Variants in RET observed in about 807,000 individuals in gnomAD.
RET encodes proto-oncogene tyrosine-protein kinase receptor Ret.
In RET, 19 loss-of-function variants were observed where a neutral mutation model predicts 118.3. The ratio of observed to expected loss-of-function variants is 0.16; its 90% CI spans 0.11 to 0.24. The LOEUF (loss-of-function observed/expected upper bound fraction) is 0.24, where lower values mean the gene tolerates loss of function less well. Ranked by LOEUF, RET falls within the 10% of genes least tolerant of loss-of-function variation. RET has a pLI of 1.00. For synonymous variants in RET, 597 were observed against 644.1 expected (o/e 0.93, Z 1.11); for missense variants, 1,219 against 1,502.1 (o/e 0.81, Z 3.12).
Position 43,129,197 on chromosome 10 carries a change from A to C in RET, c.*928A>C, listed in dbSNP as rs1301658759. ...CCCACAGCCAAGTAGAGGCGAAAGCAGTGGCTCATCCTACCTGTTAGGAGC... is the reference window on the plus strand; with the variant it reads ...CCCACAGCCAAGTAGAGGCGAAAGCCGTGGCTCATCCTACCTGTTAGGAGC... On this transcript the variant is annotated 3_prime_UTR_variant, in exon 20 of 20. Coordinates refer to ENST00000355710, the MANE Select transcript of RET (RefSeq NM_020975.6). The C allele has an allele frequency of 4.3e-6, 1 of 233,418 alleles. No individual in the cohort carries two copies. 14.5% of individuals were successfully genotyped at this position (233,418 alleles called of 1,614,324 possible).
chr10:43,091,568 T>A (rs1373157481), intron 1 of RET, among the ~76,000 whole-genome samples: 1 of 150,650 alleles, frequency 6.6e-6, no homozygotes, highest in Non-Finnish European at 1.5e-5. Context: ...GAGACAGAGG[T>A]TGCAGTTAGC....
intron 18 of RET, 94 bp from the exon 19 acceptor site, chr10:43,126,481 C>A (rs1838330745): frequency 8.8e-7 from 1 of 1,138,382 alleles, no homozygotes; most frequent in Non-Finnish European, 1.3e-6. Flanking sequence ...GGAGACACAG[C>A]CAGAGCCTCT....
chr10:43,077,418 C>A, intron 1 of RET, 87 bp downstream of exon 1: 1 of 1,431,194 alleles, frequency 7.0e-7, no homozygotes, highest in Non-Finnish European at 9.2e-7. Context: ...AAGCGCCTTT[C>A]TGTTTGCCGT....
In RET at chr10:43,123,704, G is replaced by A; in HGVS notation, c.2835G>A (p.Val945=). The change falls in exon 17 of 20, where the codon GTG becomes GTA. Residue 945 remains valine (V), a synonymous_variant. Transcript: ENST00000355710. Reference sequence around the variant, plus strand: ...TTGGTGTCCTGCTGTGGGAGATCGTGACCCTAGGGGGAAACCCCTATCCTG... The same window carrying A: ...TTGGTGTCCTGCTGTGGGAGATCGTAACCCTAGGGGGAAACCCCTATCCTG... ...WSFGVLLWEI[V]TLGGNPYPGI... is the part of the protein sequence containing the mutation. 6.2e-7 allele frequency: 1 copy of A among 1,614,160 alleles called. No homozygotes were observed.
At chr10:43,123,590 G>T (rs1838264749) in intron 16 of RET, 81 bp from the exon 17 acceptor site, 2 of 1,583,786 alleles carry the variant, frequency 1.3e-6, no homozygotes, top group Non-Finnish European at 1.7e-6. Flanking sequence ...GTGCTTGGTG[G>T]TGGGGGTGGA....
At position 43,102,292 on chromosome 10, in the gene RET, T is replaced by C. The variant is rs777587785; in HGVS notation, c.338-50T>C. The C allele has an allele frequency of 8.1e-6, 13 of 1,608,706 alleles. No individual in the cohort carries two copies. The East Asian group carries it at 2.5e-4, about 30-fold the overall frequency. ...CTCCTGCCTCCTCCCCATTCCCGAC[T>C]GCCTGGCAGATGTGGCCGATGCCCC... On this transcript the variant is annotated intron_variant, in intron 2 of 19. Transcript: ENST00000355710.
intron 18 of RET, 64 bp from the exon 19 acceptor site, chr10:43,126,511 G>A: frequency 7.1e-7 from 1 of 1,414,774 alleles, no homozygotes; most frequent in Non-Finnish European, 1.0e-6. Context: ...ATGGCTTGTT[G>A]TATACTGAGT....
rs1481206246 is a variant in RET at position 43,114,360 on chromosome 10, C to T, written c.1880-120C>T. ...TCAGGCCTTCCCACACCTCCATGGCCACTTCCCAGCTGGCGCGGACACGGC... is the reference window on the plus strand; with the variant it reads ...TCAGGCCTTCCCACACCTCCATGGCTACTTCCCAGCTGGCGCGGACACGGC... On this transcript the variant is annotated intron_variant, in intron 10 of 19. Coordinates refer to ENST00000355710, the MANE Select transcript of RET (RefSeq NM_020975.6). The surrounding 1 kb of genome is among the most constrained non-coding windows in gnomAD (Gnocchi z 4.6). 3.6e-6 allele frequency: 5 copies of T among 1,396,036 alleles called. No individual in the cohort carries two copies. The highest frequency in any genetic ancestry group is 4.9e-6 in the Non-Finnish European group (5 of 1,015,488). The allele number at this position is 1,396,036 out of a possible 1,614,324, so 86.5% of individuals were successfully genotyped here.
rs552651103 is a variant in RET, at chr10:43,095,464, A to G, written c.74-4995A>G. On this transcript the variant is annotated intron_variant, in intron 1 of 19. Coordinates refer to ENST00000355710, the MANE Select transcript of RET (RefSeq NM_020975.6). ...CCTGCTCCAGGCCCGCCTGGGCATG[A>G]GAACATGCACACCTGGACGGAGTGT... 1.7e-3 allele frequency among the ~76,000 whole-genome samples: 264 copies of G among 152,314 alleles called. 2 individuals are homozygous for G. The highest frequency in any genetic ancestry group is 7.4e-4 in the Non-Finnish European group (50 of 68,018).
chr10:43,082,907 A>G lies in RET; in HGVS notation c.73+5576A>G, dbSNP rs60358827. On this transcript the variant is annotated intron_variant, in intron 1 of 19. Coordinates refer to ENST00000355710, the MANE Select transcript of RET (RefSeq NM_020975.6). ...AGTTCTGGAGGGAGGGAGAGGGCTCATTGGGTTTCTTCCTCATACTACTTG... is the reference window on the plus strand; with the variant it reads ...AGTTCTGGAGGGAGGGAGAGGGCTCGTTGGGTTTCTTCCTCATACTACTTG... Among the ~76,000 whole-genome samples the G allele has an allele frequency of 2.9e-3, 437 of 152,324 alleles. 1 individual carries two copies. The highest frequency in any genetic ancestry group is 9.9e-3 in the African/African-American group (412 of 41,572).
At chr10:43,110,683 G>T (rs1837896046) in intron 6 of RET, among the ~76,000 whole-genome samples, 1 of 152,138 alleles carries the variant, frequency 6.6e-6, no homozygotes, top group African/African-American at 2.4e-5. Context: ...ATGGGCTGGG[G>T]CAACCATGCT....
intron 19 of RET, 29 bp downstream of exon 19, chr10:43,126,751 C>T (rs1411706744): frequency 6.2e-7 from 1 of 1,612,252 alleles, no homozygotes; most frequent in Non-Finnish European, 8.5e-7. Context: ...TTACTAGATT[C>T]TAGCACCGCT....
At chr10:43,118,503 G>A (rs1372752880) in intron 13 of RET, 23 bp downstream of exon 13, 3 of 1,583,042 alleles carry the variant, frequency 1.9e-6, no homozygotes, top group Non-Finnish European at 2.6e-6. Context: ...GCAGGGTGAG[G>A]TGGGCAGCCA....
intron 1 of RET, among the ~76,000 whole-genome samples, chr10:43,078,701 T>TC (rs1324312450): frequency 6.6e-6 from 1 of 152,128 alleles, no homozygotes; most frequent in Non-Finnish European, 1.5e-5. Context: ...GCAGAGGACT[T>TC]CCCCACACCC....
Position 43,102,406 on chromosome 10 carries a change from G to A in RET, c.402G>A (p.Glu134=). The A allele has an allele frequency of 6.2e-7, 1 of 1,614,250 alleles. No homozygotes were observed. Among genetic ancestry groups the A allele is most frequent in the Middle Eastern group, 1.6e-4 (1 of 6,062 alleles). ...KVFLSPTSLR[E]GECQWPGCAR... ...TCCTGTCACCCACATCCCTTCGTGA[G>A]GGCGAGTGCCAGTGGCCAGGCTGTG... Residue 134 remains glutamate (E), a synonymous_variant, in exon 3 of 20, where the codon GAG becomes GAA. Transcript: ENST00000355710.
chr10:43,124,761 G>A, intron 17 of RET, 122 bp from the exon 18 acceptor site: 1 of 942,934 alleles, frequency 1.1e-6, no homozygotes, highest in Admixed American at 1.7e-5. Flanking sequence ...AAATAGCTTT[G>A]GAGTTGGAGA....
chr10:43,113,497 A>G, intron 9 of RET, 59 bp from the exon 10 acceptor site: 1 of 1,534,574 alleles, frequency 6.5e-7, no homozygotes, highest in Non-Finnish European at 8.7e-7. Flanking sequence ...CCCTGGAAAT[A>G]TGGGCGCCTG....
intron 10 of RET, 114 bp downstream of exon 10, chr10:43,113,789 A>T (rs1838000325): frequency 1.4e-6 from 2 of 1,456,744 alleles, no homozygotes; most frequent in Non-Finnish European, 1.9e-6. Flanking sequence ...GGGCCCCATG[A>T]AACTTCCCTC....
intron 1 of RET, among the ~76,000 whole-genome samples, chr10:43,077,839 C>T (rs1837084665): frequency 6.6e-6 from 1 of 152,226 alleles, no homozygotes; most frequent in Non-Finnish European, 1.5e-5. Flanking sequence ...CCGAGGGATT[C>T]GGAGGCTCTT....
Sources: allele counts gnomAD v4.1 joint callset (sites outside exome capture counted in the v4.1 genomes callset), GRCh38; gene constraint gnomAD v4.1.1; non-coding constraint Gnocchi (gnomAD v3.1); transcripts MANE v1.5; gene names NCBI Gene and HGNC (gene_info 2026-07-23, HGNC 2026-07-21).